GALNT10: variants seen among roughly 807,000 people sequenced by gnomAD.
GALNT10 encodes polypeptide N-acetylgalactosaminyltransferase 10, also known as GalNAc transferase 10.
In GALNT10, 41 loss-of-function variants were observed where a neutral mutation model predicts 75.0. The ratio of observed to expected loss-of-function variants is 0.55; its 90% CI spans 0.43 to 0.71. GALNT10 has a LOEUF of 0.71. Among genes scored for constraint, GALNT10 ranks in the 30% least tolerant of loss-of-function variants. The pLI is 0.00. For missense variants in GALNT10, 727 were observed against 818.5 expected (o/e 0.89, Z 1.36); for synonymous variants, 302 against 313.0 (o/e 0.96, Z 0.37).
intron 4 of GALNT10, among the ~76,000 whole-genome samples, chr5:154,359,056 G>A (rs762286404): frequency 1.3e-5 from 2 of 152,174 alleles, no homozygotes; most frequent in Non-Finnish European, 2.9e-5. Context: ...ATATGCCAGA[G>A]TGTGACAGGC....
chr5:154,365,796 T>G (rs1238674937), intron 4 of GALNT10, among the ~76,000 whole-genome samples: 1 of 152,160 alleles, frequency 6.6e-6, no homozygotes, highest in Non-Finnish European at 1.5e-5. Context: ...TTTTCTAAAT[T>G]TTCCCCCCAG....
At chr5:154,282,985 C>T (rs1754059798) in intron 1 of GALNT10, among the ~76,000 whole-genome samples, 1 of 152,034 alleles carries the variant, frequency 6.6e-6, no homozygotes, top group African/African-American at 2.4e-5. Flanking sequence ...AGTGATCTAG[C>T]CAGAGGGGTT....
intron 8 of GALNT10, 35 bp downstream of exon 8, chr5:154,404,246 G>A (rs1423786900): frequency 5.8e-6 from 8 of 1,371,770 alleles, no homozygotes; most frequent in Middle Eastern, 1.9e-4. Flanking sequence ...GGTAGAAGGG[G>A]TTGGCCTAGG....
At chr5:154,371,112 G>A (rs114257470) in intron 4 of GALNT10, among the ~76,000 whole-genome samples, 1 of 152,162 alleles carries the variant, frequency 6.6e-6, no homozygotes, top group South Asian at 2.1e-4. Flanking sequence ...TTCCATGCCT[G>A]TTCCCAGCTT....
chr5:154,361,909 A>T (rs1158294026), intron 4 of GALNT10, among the ~76,000 whole-genome samples: 1 of 152,206 alleles, frequency 6.6e-6, no homozygotes, highest in East Asian at 1.9e-4. Context: ...ATAGGTACTG[A>T]GGAGCCATGT....
intron 1 of GALNT10, chr5:154,287,521 T>A (rs1300822244): frequency 6.6e-6 from 1 of 152,068 alleles, no homozygotes; most frequent in Non-Finnish European, 1.5e-5. Context: ...CCAGGTAGAA[T>A]TTAATTTTTG....
At chr5:154,372,128 T>C (rs1357581944) in intron 4 of GALNT10, among the ~76,000 whole-genome samples, 1 of 152,244 alleles carries the variant, frequency 6.6e-6, no homozygotes, top group African/African-American at 2.4e-5. Context: ...CCAGATTGCC[T>C]GGGTTTTAAT....
chr5:154,214,256 A>G (rs1209316732), intron 1 of GALNT10, among the ~76,000 whole-genome samples: 1 of 152,170 alleles, frequency 6.6e-6, no homozygotes, highest in Non-Finnish European at 1.5e-5. Flanking sequence ...AGCCTCCAAA[A>G]TAAAAAACCA....
At chr5:154,384,712 C>G (rs1755785066) in intron 6 of GALNT10, among the ~76,000 whole-genome samples, 1 of 152,238 alleles carries the variant, frequency 6.6e-6, no homozygotes, top group Non-Finnish European at 1.5e-5. Flanking sequence ...GCATCACCTG[C>G]TTCTCGAGTG....
In GALNT10 at chr5:154,409,515, C is replaced by T; in HGVS notation, c.1165-26C>T. ...GGCTTTGGCTTCTTGGAAAGACTGA[C>T]CCCTCCATTGCTTCTTGCCCCATAG... On this transcript the variant is annotated intron_variant, in intron 8 of 11. Transcript: ENST00000297107. The surrounding 1 kb of genome is among the most constrained non-coding windows in gnomAD (Gnocchi z 4.5). 2 of 1,474,360 alleles carry T rather than the reference C, an allele frequency of 1.4e-6. No individual in the cohort carries two copies. The highest frequency in any genetic ancestry group is 1.9e-6 in the Non-Finnish European group (2 of 1,052,260). 91.3% of individuals were successfully genotyped at this position (1,474,360 alleles called of 1,614,324 possible). A position where few individuals can be genotyped will look rare whatever the true frequency, so the allele number is the denominator to read the frequency against.
chr5:154,196,554 G>A (rs1774943311), intron 1 of GALNT10, among the ~76,000 whole-genome samples: 1 of 152,166 alleles, frequency 6.6e-6, no homozygotes, highest in East Asian at 1.9e-4. Context: ...TTCTCTGTGT[G>A]TTGGCTTTGT....
intron 1 of GALNT10, among the ~76,000 whole-genome samples, chr5:154,277,613 A>C (rs1221239708): frequency 1.3e-5 from 2 of 152,204 alleles, no homozygotes; most frequent in African/African-American, 4.8e-5. Flanking sequence ...TTCTCAAGCT[A>C]AGCCAAGGCT....
chr5:154,269,159 G>A (rs1478612198), intron 1 of GALNT10, among the ~76,000 whole-genome samples: 1 of 151,418 alleles, frequency 6.6e-6, no homozygotes, highest in African/African-American at 2.4e-5. Context: ...CTAATTTTTT[G>A]TATTTTAGTA....
At chr5:154,337,934 C>A (rs1001189930) in intron 4 of GALNT10, 8 of 1,542,106 alleles carry the variant, frequency 5.2e-6, no homozygotes, top group Non-Finnish European at 1.8e-6. Context: ...GATGGTATTT[C>A]TGAATGACAG....
chr5:154,274,910 C>G (rs563448273), intron 1 of GALNT10, among the ~76,000 whole-genome samples: 6 of 152,318 alleles, frequency 3.9e-5, no homozygotes, highest in African/African-American at 1.2e-4. Flanking sequence ...CGCCTCTCCC[C>G]CAGCCATCAT....
At chr5:154,361,930 G>A (rs909966039) in intron 4 of GALNT10, among the ~76,000 whole-genome samples, 25 of 152,142 alleles carry the variant, frequency 1.6e-4, no homozygotes, top group Non-Finnish European at 1.5e-5. Flanking sequence ...GGCATTGCTG[G>A]CAAGACTCAC....
At chr5:154,193,025 A>G (rs912589239) in intron 1 of GALNT10, among the ~76,000 whole-genome samples, 1 of 152,094 alleles carries the variant, frequency 6.6e-6, no homozygotes, top group East Asian at 1.9e-4. Context: ...GGGGAGCAAC[A>G]GCTGGGTGCT....
chr5:154,326,519 A>G (rs897686820), intron 3 of GALNT10, among the ~76,000 whole-genome samples: 12 of 152,266 alleles, frequency 7.9e-5, no homozygotes, highest in Admixed American at 7.8e-4. Context: ...TGATGAATAG[A>G]TAAATAAAAT....
At chr5:154,406,966 A>C (rs1756294793) in intron 8 of GALNT10, among the ~76,000 whole-genome samples, 1 of 152,224 alleles carries the variant, frequency 6.6e-6, no homozygotes, top group Admixed American at 6.5e-5. Flanking sequence ...AAACAGCCAG[A>C]CAGCCTTGAG....
Sources: gnomAD v4.1 joint callset for allele counts (sites outside exome capture counted in the v4.1 genomes callset) on GRCh38, gnomAD v4.1.1 for gene constraint, Gnocchi (gnomAD v3.1) non-coding constraint, MANE v1.5 for transcripts, NCBI Gene and HGNC (gene_info 2026-07-23, HGNC 2026-07-21) for gene names.